The following CSGALNACT1 variants were observed in gnomAD, a reference collection of about 807,000 sequenced individuals.
The protein encoded by CSGALNACT1 is beta4GalNAcT-1.
CSGALNACT1 carries 52 observed loss-of-function variants against 51.0 expected under a neutral mutation model. That is an observed-to-expected ratio of 1.02 (90% confidence interval 0.82 to 1.29). The LOEUF is 1.29. CSGALNACT1 is among the 50% of genes most tolerant of loss of function. The pLI is 0.00. For missense variants in CSGALNACT1, 935 were observed against 679.2 expected, an observed-to-expected ratio of 1.38 and a Z score of -4.19; for synonymous variants, 341 against 254.4, an observed-to-expected ratio of 1.34 and a Z score of -3.24.
At chr8:19,464,205 C>T (rs920414055) in intron 4 of CSGALNACT1, among the ~76,000 whole-genome samples, 7 of 152,198 alleles carry the variant, frequency 4.6e-5, no homozygotes, top group African/African-American at 1.4e-4. Flanking sequence ...CCTTCCCTAC[C>T]TTCCTACATG....
chr8:19,438,413 G>C (rs562523806), intron 6 of CSGALNACT1, among the ~76,000 whole-genome samples: 6 of 152,320 alleles, frequency 3.9e-5, no homozygotes, highest in Admixed American at 6.5e-5. Flanking sequence ...TCTAAGCAGA[G>C]GTGAGAACAT....
intron 3 of CSGALNACT1, among the ~76,000 whole-genome samples, chr8:19,570,769 A>T (rs899717616): frequency 1.3e-5 from 2 of 152,124 alleles, no homozygotes; most frequent in Admixed American, 1.3e-4. Context: ...GTGTGGTGGC[A>T]GGTGCCTGTA....
intron 1 of CSGALNACT1, among the ~76,000 whole-genome samples, chr8:19,748,079 A>G (rs949334467): frequency 1.3e-5 from 2 of 152,208 alleles, no homozygotes; most frequent in African/African-American, 2.4e-5. Context: ...TTCTATGCAT[A>G]TAAGTTGCTC....
At chr8:19,501,168 C>T (rs998254365) in intron 4 of CSGALNACT1, among the ~76,000 whole-genome samples, 6 of 150,556 alleles carry the variant, frequency 4.0e-5, no homozygotes, top group African/African-American at 1.2e-4. Flanking sequence ...GAGAATCCCC[C>T]GAAACTGGGA....
chr8:19,637,047 A>G lies in CSGALNACT1; in HGVS notation c.-543-35182T>C, dbSNP rs192741331. ...CTCTACTAAAAAAAAAAAAAATAGA[A>G]CAATTAGCCAGACATGGTGGTCTCC... On this transcript the variant is annotated intron_variant, in intron 1 of 9. Transcript: ENST00000332246. 3.0e-4 allele frequency among the ~76,000 whole-genome samples: 45 copies of G among 151,952 alleles called. No homozygotes were observed. In the East Asian group the frequency reaches 8.1e-3, roughly 27 times the overall value.
chr8:19,519,597 G>T (rs534609229), intron 3 of CSGALNACT1, among the ~76,000 whole-genome samples: 1 of 152,168 alleles, frequency 6.6e-6, no homozygotes, highest in Non-Finnish European at 1.5e-5. Flanking sequence ...TAGCTGTCTC[G>T]TGAAGTGCCA....
chr8:19,751,732 A>T (rs755234384), intron 1 of CSGALNACT1, among the ~76,000 whole-genome samples: 4 of 152,088 alleles, frequency 2.6e-5, no homozygotes, highest in Non-Finnish European at 4.4e-5. Flanking sequence ...TAGAGTTCTC[A>T]TGAGATCTGG....
chr8:19,495,159 A>C (rs2075231607), intron 4 of CSGALNACT1: 1 of 152,164 alleles, frequency 6.6e-6, no homozygotes, highest in African/African-American at 2.4e-5. Flanking sequence ...CTTGCAATCA[A>C]AATAACCTCA....
At chr8:19,408,497 T>TTTTAGG in intron 9 of CSGALNACT1, 116 bp downstream of exon 8, 1 of 268,106 alleles carries the variant, frequency 3.7e-6, no homozygotes, top group Non-Finnish European at 7.4e-6. Flanking sequence ...TTTTTTTTTT[T>TTTTAGG]GAAGGCAATG....
intron 8 of CSGALNACT1, among the ~76,000 whole-genome samples, chr8:19,409,824 G>A (rs1381103880): frequency 6.6e-6 from 1 of 152,104 alleles, no homozygotes; most frequent in East Asian, 1.9e-4. Flanking sequence ...CCACTGGCTG[G>A]CTTTTTCACT....
At chr8:19,656,546 C>T (rs896466581) in intron 1 of CSGALNACT1, among the ~76,000 whole-genome samples, 9 of 151,260 alleles carry the variant, frequency 6.0e-5, no homozygotes, top group African/African-American at 1.9e-4. Context: ...CACACGTGTA[C>T]GCGCATGCAC....
At chr8:19,538,006 C>T (rs2084159397) in intron 3 of CSGALNACT1, among the ~76,000 whole-genome samples, 1 of 152,080 alleles carries the variant, frequency 6.6e-6, no homozygotes. Flanking sequence ...AGGACTAGCA[C>T]CAACCTTTAG....
intron 3 of CSGALNACT1, among the ~76,000 whole-genome samples, chr8:19,529,112 A>G (rs2082258993): frequency 6.6e-6 from 1 of 152,202 alleles, no homozygotes; most frequent in South Asian, 2.1e-4. Context: ...AAATCAAGTA[A>G]GCTGAGAACT....
At chr8:19,600,833 A>G (rs574184560) in intron 2 of CSGALNACT1, among the ~76,000 whole-genome samples, 1 of 151,982 alleles carries the variant, frequency 6.6e-6, no homozygotes, top group East Asian at 1.9e-4. Context: ...TTTTTGGAAA[A>G]AAAAAAAAAG....
intron 1 of CSGALNACT1, among the ~76,000 whole-genome samples, chr8:19,635,028 ATGT>A (rs956288796): frequency 3.3e-5 from 5 of 152,226 alleles, no homozygotes; most frequent in Admixed American, 6.5e-5. Context: ...TTTTAAGTAA[ATGT>A]TGTACGTTTT....
At chr8:19,427,552 G>A (rs1460330765) in intron 6 of CSGALNACT1, among the ~76,000 whole-genome samples, 1 of 152,110 alleles carries the variant, frequency 6.6e-6, no homozygotes, top group Non-Finnish European at 1.5e-5. Flanking sequence ...ACTTTGGGAG[G>A]CCGAGGCGGG....
At chr8:19,560,571 C>T (rs1041457897) in intron 3 of CSGALNACT1, among the ~76,000 whole-genome samples, 1 of 152,122 alleles carries the variant, frequency 6.6e-6, no homozygotes, top group Admixed American at 6.6e-5. Flanking sequence ...AAAAATGACC[C>T]ACTTCACACA....
At chr8:19,509,428 G>A (rs1248854996) in intron 3 of CSGALNACT1, among the ~76,000 whole-genome samples, 2 of 151,716 alleles carry the variant, frequency 1.3e-5, no homozygotes, top group East Asian at 1.9e-4. Context: ...AAGACCAGCC[G>A]GCCAACATGG....
chr8:19,565,800 A>C (rs1314713009), intron 3 of CSGALNACT1, among the ~76,000 whole-genome samples: 1 of 152,200 alleles, frequency 6.6e-6, no homozygotes, highest in Non-Finnish European at 1.5e-5. Context: ...AATCCCAGCT[A>C]CTTGGGAGGC....
Sources: allele counts gnomAD v4.1 joint callset (sites outside exome capture counted in the v4.1 genomes callset), GRCh38; gene constraint gnomAD v4.1.1; transcripts MANE v1.5; gene names NCBI Gene and HGNC (gene_info 2026-07-23, HGNC 2026-07-21).